RGS7BP: variants seen among roughly 807,000 people sequenced by gnomAD.
The protein encoded by RGS7BP is regulator of G protein signaling 7-binding protein.
RGS7BP carries 9 observed loss-of-function variants against 31.3 expected under a neutral mutation model. The ratio of observed to expected loss-of-function variants is 0.29; its 90% CI spans 0.17 to 0.50. The LOEUF is 0.50. RGS7BP is among the 20% of genes least tolerant of loss of function. The pLI, the probability that RGS7BP is intolerant of heterozygous loss-of-function variation, is 0.98. For missense variants in RGS7BP, 274 were observed against 322.0 expected, an observed-to-expected ratio of 0.85 and a Z score of 1.14; for synonymous variants, 115 against 120.1, an observed-to-expected ratio of 0.96 and a Z score of 0.28.
At chr5:64,524,737 G>A (rs1376197528) in intron 2 of RGS7BP, among the ~76,000 whole-genome samples, 1 of 152,054 alleles carries the variant, frequency 6.6e-6, no homozygotes. Flanking sequence ...CAATCAGTCT[G>A]CAACCACAGG....
At position 64,612,195 on chromosome 5, in the gene RGS7BP, A is replaced by C. The variant is rs573768674; in HGVS notation, c.*2943A>C. On this transcript the variant is annotated 3_prime_UTR_variant, in exon 6 of 6. Coordinates refer to ENST00000334025, the MANE Select transcript of RGS7BP (RefSeq NM_001029875.3). ...ATTCCACCACGACCACATTGTTTAA[A>C]ACCACATTTCTGGGTTTTAAATCAG... is the stretch of plus-strand genomic sequence containing the variant. 1.6e-4 allele frequency: 24 copies of C among 152,416 alleles called. No individual in the cohort carries two copies. Among genetic ancestry groups the C allele is most frequent in the African/African-American group, 5.5e-4 (23 of 41,506 alleles). The allele number at this position is 152,416 out of a possible 1,614,324, so 9.4% of individuals were successfully genotyped here.
At chr5:64,545,786 T>C (rs904550808) in intron 2 of RGS7BP, among the ~76,000 whole-genome samples, 6 of 152,152 alleles carry the variant, frequency 3.9e-5, no homozygotes, top group African/African-American at 1.4e-4. Context: ...AGCTAGGGCA[T>C]ATGAAAGGAG....
intron 2 of RGS7BP, among the ~76,000 whole-genome samples, chr5:64,532,303 T>C (rs925715290): frequency 1.3e-5 from 2 of 151,908 alleles, no homozygotes; most frequent in Admixed American, 6.6e-5. Context: ...ATATCCTTTT[T>C]TTTTTTTTCC....
intron 2 of RGS7BP, among the ~76,000 whole-genome samples, chr5:64,574,137 A>C (rs1390294949): frequency 1.3e-5 from 2 of 152,176 alleles, no homozygotes; most frequent in African/African-American, 4.8e-5. Context: ...ATTAGTAGAT[A>C]ATATACAAGG....
chr5:64,519,948 T>C (rs1029667301), intron 2 of RGS7BP, among the ~76,000 whole-genome samples: 1 of 152,166 alleles, frequency 6.6e-6, no homozygotes, highest in African/African-American at 2.4e-5. Context: ...AGGACTGATA[T>C]CTTCATGATT....
chr5:64,566,025 A>G (rs961938295), intron 2 of RGS7BP, among the ~76,000 whole-genome samples: 1 of 152,136 alleles, frequency 6.6e-6, no homozygotes, highest in African/African-American at 2.4e-5. Flanking sequence ...TAGGAGTCTG[A>G]AGCTGAAAAA....
intron 2 of RGS7BP, among the ~76,000 whole-genome samples, chr5:64,537,082 A>G (rs1252046889): frequency 6.6e-6 from 1 of 152,198 alleles, no homozygotes; most frequent in Non-Finnish European, 1.5e-5. Flanking sequence ...GGCTAAGATC[A>G]AGTGGAGATG....
chr5:64,590,933 A>G (rs1255831393), intron 3 of RGS7BP, among the ~76,000 whole-genome samples: 3 of 152,132 alleles, frequency 2.0e-5, no homozygotes, highest in Non-Finnish European at 4.4e-5. Context: ...TTAGATTATT[A>G]TACCATACCA....
intron 2 of RGS7BP, among the ~76,000 whole-genome samples, chr5:64,538,112 A>G (rs1296356543): frequency 2.0e-5 from 3 of 152,254 alleles, no homozygotes; most frequent in Admixed American, 2.0e-4. Flanking sequence ...GAAACCATAT[A>G]CATAGCTAAT....
In RGS7BP at chr5:64,573,829, G is replaced by T. The variant is rs546991424; in HGVS notation, c.333-1945G>T. Among the ~76,000 whole-genome samples the T allele has an allele frequency of 9.5e-4, 145 of 152,142 alleles. 1 individual carries two copies. The highest frequency in any genetic ancestry group is 3.3e-3 in the African/African-American group (135 of 41,504). On this transcript the variant is annotated intron_variant, in intron 2 of 5. Transcript: ENST00000334025. ...CACAAATAAATGATAAATATTTGAG[G>T]TAATAGATCTGTCAACTACTCTGAT... is the stretch of plus-strand genomic sequence containing the variant.
intron 2 of RGS7BP, among the ~76,000 whole-genome samples, chr5:64,508,442 A>G (rs1472577213): frequency 4.6e-5 from 7 of 152,190 alleles, no homozygotes; most frequent in Non-Finnish European, 8.8e-5. Context: ...GGAAATTCAC[A>G]TATCTCAATA....
chr5:64,594,495 G>A (rs56956041), intron 3 of RGS7BP, among the ~76,000 whole-genome samples: 2,092 of 152,202 alleles, frequency 0.014, 45 homozygotes, highest in African/African-American at 0.048. Flanking sequence ...ACCTCAAACT[G>A]TCTTTCCCGG....
At chr5:64,519,401 TAAAC>T (rs1749053996) in intron 2 of RGS7BP, among the ~76,000 whole-genome samples, 1 of 152,168 alleles carries the variant, frequency 6.6e-6, no homozygotes, top group African/African-American at 2.4e-5. Context: ...AGATAGACAT[TAAAC>T]AAATCATTGC....
chr5:64,564,430 G>A (rs143441202), intron 2 of RGS7BP, among the ~76,000 whole-genome samples: 72 of 152,256 alleles, frequency 4.7e-4, no homozygotes, highest in African/African-American at 1.6e-3. Context: ...TTTCAAATAT[G>A]TGGCTTATTT....
chr5:64,575,941 T>C lies in RGS7BP; in HGVS notation c.463+37T>C, dbSNP rs766655613. 16 of 1,589,532 alleles carry C rather than the reference T, an allele frequency of 1.0e-5. No individual in the cohort carries two copies. The Admixed American group carries it at 2.0e-4, about 19-fold the overall frequency. On this transcript the variant is annotated intron_variant, in intron 3 of 5. Coordinates refer to ENST00000334025, the MANE Select transcript of RGS7BP (RefSeq NM_001029875.3). ...TAATATTGCCGGAAACACTGAGGAA[T>C]GTTGAACAAAAGCTAATCTTTGGCA...
At chr5:64,559,115 C>A (rs879354143) in intron 2 of RGS7BP, among the ~76,000 whole-genome samples, 3 of 152,092 alleles carry the variant, frequency 2.0e-5, no homozygotes, top group Non-Finnish European at 2.9e-5. Context: ...GTGACCCATA[C>A]CCTATTCATA....
intron 2 of RGS7BP, among the ~76,000 whole-genome samples, chr5:64,528,810 C>CAAA (rs61488452): frequency 1.2e-4 from 8 of 65,306 alleles, no homozygotes; most frequent in African/African-American, 4.1e-4. Flanking sequence ...GACTCCATCT[C>CAAA]AAAAAAAAAA....
At chr5:64,578,146 G>A (rs1190951853) in intron 3 of RGS7BP, among the ~76,000 whole-genome samples, 2 of 152,240 alleles carry the variant, frequency 1.3e-5, no homozygotes, top group African/African-American at 4.8e-5. Context: ...ATGAAATGCA[G>A]TCACCTCTTA....
intron 5 of RGS7BP, among the ~76,000 whole-genome samples, chr5:64,607,278 C>T (rs1390129484): frequency 1.3e-5 from 2 of 152,072 alleles, no homozygotes; most frequent in East Asian, 3.9e-4. Flanking sequence ...GTATCTGAGA[C>T]ACATCTCAGT....
Sources: gnomAD v4.1 joint callset for allele counts (sites outside exome capture counted in the v4.1 genomes callset) on GRCh38, gnomAD v4.1.1 for gene constraint, MANE v1.5 for transcripts, NCBI Gene and HGNC (gene_info 2026-07-23, HGNC 2026-07-21) for gene names.